The following PTPRE variants were observed in gnomAD, a reference collection of about 807,000 sequenced individuals.
The protein encoded by PTPRE is receptor-type tyrosine-protein phosphatase epsilon.
PTPRE carries 51 observed loss-of-function variants against 102.0 expected under a neutral mutation model. That is an observed-to-expected ratio of 0.50 (90% CI 0.40 to 0.63). PTPRE has a LOEUF of 0.63. Among genes scored for constraint, PTPRE ranks in the 30% least tolerant of loss-of-function variants. PTPRE has a pLI of 0.00. For synonymous variants in PTPRE, 345 were observed against 348.2 expected (o/e 0.99, Z 0.10); for missense variants, 752 against 915.1 (o/e 0.82, Z 2.30).
At chr10:128,002,839 G>C (rs992361809) in intron 2 of PTPRE, among the ~76,000 whole-genome samples, 1 of 151,480 alleles carries the variant, frequency 6.6e-6, no homozygotes, top group Non-Finnish European at 1.5e-5. Flanking sequence ...GACCACAGGC[G>C]TGCACCACCA....
intron 6 of PTPRE, among the ~76,000 whole-genome samples, chr10:128,053,948 ACGG>A (rs1848749149): frequency 6.6e-6 from 1 of 151,804 alleles, no homozygotes; most frequent in South Asian, 2.1e-4. Context: ...TTTAGTAGAG[ACGG>A]GGTTTCACCA....
intron 2 of PTPRE, chr10:127,987,394 A>T: frequency 7.9e-7 from 1 of 1,262,664 alleles, no homozygotes; most frequent in Non-Finnish European, 1.0e-6. Context: ...GGAAGACAAG[A>T]GGTAACGGGG....
At chr10:127,976,759 C>T (rs1042925891) in intron 1 of PTPRE, among the ~76,000 whole-genome samples, 1 of 152,190 alleles carries the variant, frequency 6.6e-6, no homozygotes, top group African/African-American at 2.4e-5. Flanking sequence ...CTCCTTCTGT[C>T]CTGTCTTTCA....
chr10:128,060,152 C>G (rs1336977748), intron 7 of PTPRE, among the ~76,000 whole-genome samples: 1 of 149,044 alleles, frequency 6.7e-6, no homozygotes, highest in Non-Finnish European at 1.5e-5. Flanking sequence ...AGCATACACA[C>G]TACACACATG....
At chr10:127,924,937 T>C (rs1299366628) in intron 1 of PTPRE, among the ~76,000 whole-genome samples, 2 of 152,234 alleles carry the variant, frequency 1.3e-5, no homozygotes, top group African/African-American at 4.8e-5. Flanking sequence ...TGGAGCTCCC[T>C]GGGATACTTG....
chr10:127,945,350 G>T lies in PTPRE; in HGVS notation c.-30-36924G>T, dbSNP rs538817180. ...CAGGGCAAGCAGGTAGAGGAGAAAAGGCCTCTGTGCCTGACCTCATATCTG... is the reference window on the plus strand; with the variant it reads ...CAGGGCAAGCAGGTAGAGGAGAAAATGCCTCTGTGCCTGACCTCATATCTG... On this transcript the variant is annotated intron_variant, in intron 1 of 20. Transcript: ENST00000254667. 2.0e-5 allele frequency among the ~76,000 whole-genome samples: 3 copies of T among 152,336 alleles called. No individual in the cohort carries two copies. In the East Asian group the frequency reaches 5.8e-4, roughly 29 times the overall value.
At chr10:128,001,720 T>G (rs1169659673) in intron 2 of PTPRE, among the ~76,000 whole-genome samples, 1 of 152,150 alleles carries the variant, frequency 6.6e-6, no homozygotes. Context: ...CATGGGATGA[T>G]GACATGTTCT....
intron 1 of PTPRE, among the ~76,000 whole-genome samples, chr10:127,911,813 G>A (rs1845889422): frequency 1.3e-5 from 2 of 152,092 alleles, no homozygotes. Flanking sequence ...CCAATTTTAG[G>A]TACTGGCCCT....
At position 127,907,453 on chromosome 10, in the gene PTPRE, G is replaced by A. The variant is rs1845557288; in HGVS notation, c.-31+144G>A. ...GGCTCAGAGTCCGGACCCCGGCCCCGCCGCCCCCGCGGCGCGCCCAGTACC... is the reference window on the plus strand; with the variant it reads ...GGCTCAGAGTCCGGACCCCGGCCCCACCGCCCCCGCGGCGCGCCCAGTACC... On this transcript the variant is annotated intron_variant, in intron 1 of 20. Transcript: ENST00000254667. This position sits in a 1 kb window ranked among gnomAD's most constrained non-coding sequence, Gnocchi z 4.8. 1 of 539,062 alleles carries A rather than the reference G, an allele frequency of 1.9e-6. No homozygotes were observed. Among genetic ancestry groups the A allele is most frequent in the Non-Finnish European group, 2.4e-6 (1 of 423,300 alleles). 33.4% of individuals were successfully genotyped at this position (539,062 alleles called of 1,614,324 possible).
chr10:127,927,248 G>A (rs965196392), intron 1 of PTPRE, among the ~76,000 whole-genome samples: 9 of 152,236 alleles, frequency 5.9e-5, no homozygotes, highest in South Asian at 4.1e-4. Flanking sequence ...GAACAGTAGC[G>A]TATTTCTCCA....
At chr10:128,047,542 G>T in intron 4 of PTPRE, 53 bp downstream of exon 4, 1 of 1,610,828 alleles carries the variant, frequency 6.2e-7, no homozygotes, top group Non-Finnish European at 8.5e-7. Context: ...AGGAGGAAAT[G>T]AGCCTTCTGA....
At chr10:127,948,345 T>C (rs1484541382) in intron 1 of PTPRE, among the ~76,000 whole-genome samples, 1 of 152,150 alleles carries the variant, frequency 6.6e-6, no homozygotes. Context: ...CTCCCCACTC[T>C]CATTATCCTA....
intron 2 of PTPRE, chr10:127,987,544 AC>A (rs1337858959): frequency 3.2e-6 from 1 of 315,676 alleles, no homozygotes; most frequent in Non-Finnish European, 6.2e-6. Context: ...CCTCTTAGTT[AC>A]CTTTATCCAG....
chr10:127,938,377 G>A (rs1157152568), intron 1 of PTPRE, among the ~76,000 whole-genome samples: 2 of 152,058 alleles, frequency 1.3e-5, no homozygotes, highest in Admixed American at 1.3e-4. Flanking sequence ...AGGAGACATA[G>A]ACAAGTGAGC....
At chr10:128,082,644 T>G (rs941259331) in intron 20 of PTPRE, among the ~76,000 whole-genome samples, 188 bp from the exon 21 acceptor site, 2 of 152,204 alleles carry the variant, frequency 1.3e-5, no homozygotes, top group African/African-American at 4.8e-5. Context: ...TGACACATTC[T>G]ACGTAGAAAA....
At chr10:127,991,830 C>G (rs1852693570) in intron 2 of PTPRE, among the ~76,000 whole-genome samples, 4 of 152,178 alleles carry the variant, frequency 2.6e-5, no homozygotes, top group African/African-American at 9.7e-5. Flanking sequence ...TAGAATAGCA[C>G]CGGAGGTACT....
chr10:127,922,115 A>G lies in PTPRE; in HGVS notation c.-31+14806A>G, dbSNP rs143979950. 7.4e-3 allele frequency among the ~76,000 whole-genome samples: 1,120 copies of G among 152,380 alleles called. 10 individuals are homozygous for G. The highest frequency in any genetic ancestry group is 0.012 in the Non-Finnish European group (830 of 68,038). On this transcript the variant is annotated intron_variant, in intron 1 of 20. Transcript: ENST00000254667. ...TACTGGAGAAAGGCTAACTAAATAA[A>G]CAAGTTGCTGATGTTGGGATGTCAG...
intron 1 of PTPRE, among the ~76,000 whole-genome samples, chr10:127,950,366 A>G (rs1296962674): frequency 1.3e-5 from 2 of 152,142 alleles, no homozygotes; most frequent in Non-Finnish European, 2.9e-5. Flanking sequence ...ATGGTCCACC[A>G]TGACTGAGTT....
In PTPRE at chr10:128,061,018, A is replaced by G. The variant is rs1200536568; in HGVS notation, c.588+3A>G. On this transcript the variant is annotated splice_donor_region_variant and intron_variant, in intron 8 of 20. Coordinates refer to ENST00000254667, the MANE Select transcript of PTPRE (RefSeq NM_006504.6). ...ACATCAATGCTTCCTACATAGATGT[A>G]AGTGGGCAGAGGTTTCTTGTTCCCC... The G allele has an allele frequency of 3.7e-6, 6 of 1,613,772 alleles. No individual in the cohort carries two copies. The highest frequency in any genetic ancestry group is 5.1e-6 in the Non-Finnish European group (6 of 1,179,766).
Sources: allele counts gnomAD v4.1 joint callset (sites outside exome capture counted in the v4.1 genomes callset), GRCh38; gene constraint gnomAD v4.1.1; non-coding constraint Gnocchi (gnomAD v3.1); transcripts MANE v1.5; gene names NCBI Gene and HGNC (gene_info 2026-07-23, HGNC 2026-07-21).